The following GALNT13 variants were observed in gnomAD, a reference collection of about 807,000 sequenced individuals.
GALNT13 encodes polypeptide N-acetylgalactosaminyltransferase 13, also known as UDP-GalNAc:polypeptide N-acetylgalactosaminyltransferase 13.
In GALNT13, 28 loss-of-function variants were observed where a neutral mutation model predicts 64.2. That is an observed-to-expected ratio of 0.44 (90% CI 0.32 to 0.60). The LOEUF (loss-of-function observed/expected upper bound fraction) is 0.60, where lower values mean the gene tolerates loss of function less well. GALNT13 is among the 20% of genes least tolerant of loss of function. GALNT13 has a pLI of 0.05. For synonymous variants in GALNT13, 214 were observed against 224.6 expected, an observed-to-expected ratio of 0.95 and a Z score of 0.42; for missense variants, 577 against 669.8, an observed-to-expected ratio of 0.86 and a Z score of 1.53.
the GALNT13 span, among the ~76,000 whole-genome samples, chr2:153,437,964 C>A: frequency 1.4e-3 from 208 of 152,310 alleles, no homozygotes; most frequent in African/African-American, 4.7e-3. Context: ...TGGCTGGTAG[C>A]GGTTGTTCCT....
chr2:153,078,602 C>T, the GALNT13 span, among the ~76,000 whole-genome samples: 2 of 152,068 alleles, frequency 1.3e-5, no homozygotes, highest in South Asian at 2.1e-4. Context: ...TGAGCCATCA[C>T]GCCTGGCCTC....
chr2:153,561,792 T>C, the GALNT13 span, among the ~76,000 whole-genome samples: 1 of 152,066 alleles, frequency 6.6e-6, no homozygotes, highest in Non-Finnish European at 1.5e-5. Flanking sequence ...GGTGTCCTCA[T>C]TAATTAACTG....
chr2:153,634,500 C>T, the GALNT13 span, among the ~76,000 whole-genome samples: 1 of 143,248 alleles, frequency 7.0e-6, no homozygotes, highest in African/African-American at 2.6e-5. Flanking sequence ...AGAAGTGGTT[C>T]ATTATGATAC....
At chr2:154,074,415 T>A (rs1700885730) in intron 3 of GALNT13, among the ~76,000 whole-genome samples, 1 of 151,918 alleles carries the variant, frequency 6.6e-6, no homozygotes, top group Non-Finnish European at 1.5e-5. Flanking sequence ...ACAATTAGGT[T>A]TTTACATACA....
At chr2:154,300,718 T>C (rs1282792243) in intron 8 of GALNT13, among the ~76,000 whole-genome samples, 3 of 152,120 alleles carry the variant, frequency 2.0e-5, no homozygotes, top group Non-Finnish European at 4.4e-5. Flanking sequence ...CACAGTGAAT[T>C]CTAGGATACT....
At chr2:153,375,113 C>T in the GALNT13 span, among the ~76,000 whole-genome samples, 1,624 of 152,204 alleles carry the variant, frequency 0.011, 14 homozygotes, top group Non-Finnish European at 0.018. Flanking sequence ...TTGCGATGCA[C>T]ATATTTTATA....
At chr2:153,410,500 A>G in the GALNT13 span, among the ~76,000 whole-genome samples, 18 of 152,196 alleles carry the variant, frequency 1.2e-4, no homozygotes, top group African/African-American at 4.3e-4. Context: ...TTGTTTTCCA[A>G]GCCCAAATCA....
chr2:153,448,015 T>A, the GALNT13 span, among the ~76,000 whole-genome samples: 1 of 152,190 alleles, frequency 6.6e-6, no homozygotes, highest in Admixed American at 6.5e-5. Flanking sequence ...ATCCATTGAG[T>A]TAAATCTAAA....
the GALNT13 span, among the ~76,000 whole-genome samples, chr2:153,649,488 AT>A: frequency 7.0e-6 from 1 of 143,772 alleles, no homozygotes; most frequent in East Asian, 2.1e-4. Context: ...GATTTTAGTT[AT>A]TTCTTGCCTT....
chr2:153,542,824 G>A, the GALNT13 span, among the ~76,000 whole-genome samples: 2 of 152,170 alleles, frequency 1.3e-5, no homozygotes, highest in African/African-American at 4.8e-5. Flanking sequence ...TGGTGAGCAT[G>A]AATTCGACTT....
the GALNT13 span, among the ~76,000 whole-genome samples, chr2:153,827,279 TG>T: frequency 6.6e-6 from 1 of 152,060 alleles, no homozygotes; most frequent in African/African-American, 2.4e-5. Flanking sequence ...TACACCCCAC[TG>T]GGTTCCTCCC....
chr2:153,346,513 T>C, the GALNT13 span, among the ~76,000 whole-genome samples: 1 of 152,210 alleles, frequency 6.6e-6, no homozygotes, highest in Non-Finnish European at 1.5e-5. Context: ...CAACATTTTA[T>C]AATTTATTTT....
the GALNT13 span, among the ~76,000 whole-genome samples, chr2:153,437,688 C>T: frequency 8.5e-5 from 13 of 152,238 alleles, no homozygotes; most frequent in African/African-American, 3.1e-4. Context: ...GGTAGATCTT[C>T]CTCCATCCCT....
chr2:153,962,308 A>G (rs1693002401), intron 3 of GALNT13, among the ~76,000 whole-genome samples: 1 of 152,208 alleles, frequency 6.6e-6, no homozygotes. Context: ...ATAAGTCAAG[A>G]GAGTAAAGCG....
chr2:153,912,699 G>A (rs567503586), intron 2 of GALNT13, among the ~76,000 whole-genome samples: 71 of 152,200 alleles, frequency 4.7e-4, no homozygotes, highest in African/African-American at 1.5e-3. Context: ...CAGGACTCCC[G>A]GACTGTGTTT....
rs1191369638 is a variant in GALNT13, at chr2:153,876,971, C to T, written c.-177+4668C>T. 4.6e-5 allele frequency among the ~76,000 whole-genome samples: 7 copies of T among 152,102 alleles called. No individual in the cohort carries two copies. In the East Asian group the frequency reaches 1.4e-3, roughly 29 times the overall value. On this transcript the variant is annotated intron_variant, in intron 1 of 12. Coordinates refer to ENST00000392825, the MANE Select transcript of GALNT13 (RefSeq NM_052917.4). ...AGGCTCTCTCTTAATGTGTACACTACCATAATTACCTACCCTTCAGAAATG... is the reference window on the plus strand; with the variant it reads ...AGGCTCTCTCTTAATGTGTACACTATCATAATTACCTACCCTTCAGAAATG...
chr2:154,197,178 T>G (rs898849313), intron 4 of GALNT13, among the ~76,000 whole-genome samples: 1 of 152,004 alleles, frequency 6.6e-6, no homozygotes, highest in Non-Finnish European at 1.5e-5. Flanking sequence ...ATCACGTCAT[T>G]GCACTCCAGC....
chr2:154,332,688 A>C (rs976305338), intron 9 of GALNT13, among the ~76,000 whole-genome samples: 1 of 152,068 alleles, frequency 6.6e-6, no homozygotes, highest in Non-Finnish European at 1.5e-5. Context: ...CCTGTTTACA[A>C]ACTTGCCAGT....
chr2:153,266,165 G>T, the GALNT13 span, among the ~76,000 whole-genome samples: 1 of 151,996 alleles, frequency 6.6e-6, no homozygotes, highest in Non-Finnish European at 1.5e-5. Context: ...ATATTTCCAA[G>T]GTATGTTTGT....
Sources: gnomAD v4.1 joint callset for allele counts (sites outside exome capture counted in the v4.1 genomes callset) on GRCh38, gnomAD v4.1.1 for gene constraint, MANE v1.5 for transcripts, NCBI Gene and HGNC (gene_info 2026-07-23, HGNC 2026-07-21) for gene names.